The following DNAAF4 variants were observed in gnomAD, a reference collection of about 807,000 sequenced individuals.
DNAAF4 encodes dynein axonemal assembly factor 4.
A neutral mutation model predicts 51.8 loss-of-function variants in DNAAF4; 43 were observed. The ratio of observed to expected loss-of-function variants is 0.83; its 90% CI spans 0.65 to 1.07. DNAAF4 has a LOEUF of 1.07. DNAAF4 is among the 50% of genes least tolerant of loss of function. The pLI is 0.00. For missense variants in DNAAF4, 581 were observed against 493.0 expected (o/e 1.18, Z -1.69); for synonymous variants, 194 against 165.6 (o/e 1.17, Z -1.32).
chr15:55,428,988 G>A (rs1297581379), downstream of DNAAF4, among the ~76,000 whole-genome samples: 1 of 151,808 alleles, frequency 6.6e-6, no homozygotes, highest in Non-Finnish European at 1.5e-5. Context: ...TTGGGAGGCT[G>A]AGGCAGGCAG....
At chr15:55,459,524 T>C (rs907143891) in intron 5 of DNAAF4, among the ~76,000 whole-genome samples, 3 of 152,136 alleles carry the variant, frequency 2.0e-5, no homozygotes, top group South Asian at 2.1e-4. Flanking sequence ...TGAATGTAAA[T>C]GGCCTAAATG....
intron 6 of DNAAF4, among the ~76,000 whole-genome samples, chr15:55,448,174 G>A (rs1019361624): frequency 2.0e-5 from 3 of 151,968 alleles, no homozygotes; most frequent in African/African-American, 7.3e-5. Flanking sequence ...ATAATCATGC[G>A]GTTTTTATCT....
At chr15:55,491,013 T>C (rs1451301599) in intron 4 of DNAAF4, 110 bp downstream of exon 4, 4 of 1,346,426 alleles carry the variant, frequency 3.0e-6, no homozygotes, top group Non-Finnish European at 4.1e-6. Context: ...GTAAGTCCTC[T>C]AAACAAAGTA....
At chr15:55,447,846 A>G (rs527816091) in intron 6 of DNAAF4, among the ~76,000 whole-genome samples, 662 of 48,548 alleles carry the variant, frequency 0.014, 2 homozygotes, top group Non-Finnish European at 0.018. Context: ...GAGAGGGGAG[A>G]GGGCAGAGGG....
At chr15:55,435,463 T>C (rs1053034584) in intron 7 of DNAAF4, among the ~76,000 whole-genome samples, 1 of 152,182 alleles carries the variant, frequency 6.6e-6, no homozygotes, top group Admixed American at 6.6e-5. Context: ...GCCCACATTG[T>C]TGCTGACCGT....
intron 5 of DNAAF4, among the ~76,000 whole-genome samples, chr15:55,462,461 A>C (rs1042620223): frequency 6.6e-6 from 1 of 152,088 alleles, no homozygotes; most frequent in African/African-American, 2.4e-5. Flanking sequence ...AAAGGCTGGG[A>C]TTACAGGTAT....
intron 4 of DNAAF4, among the ~76,000 whole-genome samples, chr15:55,475,027 T>C (rs2058317700): frequency 6.6e-6 from 1 of 151,792 alleles, no homozygotes; most frequent in Non-Finnish European, 1.5e-5. Flanking sequence ...CATATATGTG[T>C]GTTAAATAAT....
chr15:55,418,995 C>T (rs1320733129), intron 7 of DNAAF4, among the ~76,000 whole-genome samples: 2 of 147,738 alleles, frequency 1.4e-5, no homozygotes, highest in African/African-American at 2.5e-5. Flanking sequence ...TTGCTCACTG[C>T]GACCTCCGCC....
intron 9 of DNAAF4, among the ~76,000 whole-genome samples, chr15:55,431,709 AC>A (rs1263449154): frequency 6.6e-6 from 1 of 151,598 alleles, no homozygotes; most frequent in Non-Finnish European, 1.5e-5. Flanking sequence ...TGATCTCCTG[AC>A]CTTGTGATCC....
At chr15:55,507,087 G>A (rs1396714366) in intron 1 of DNAAF4, among the ~76,000 whole-genome samples, 3 of 152,068 alleles carry the variant, frequency 2.0e-5, no homozygotes, top group Admixed American at 1.3e-4. Context: ...CTGACCTCAG[G>A]TGATCCGTTC....
At position 55,438,627 on chromosome 15, in the gene DNAAF4, C is replaced by CA. The variant is rs562793642; in HGVS notation, c.893+844dup. On this transcript the variant is annotated intron_variant, in intron 7 of 9. Transcript: ENST00000321149. Reference sequence around the variant, plus strand: ...TGAAACCCCGTCTCTACTAAAAATACAAAAAAAATTCGCCAGGTGTGGCGG... The same window carrying CA: ...TGAAACCCCGTCTCTACTAAAAATACAAAAAAAAATTCGCCAGGTGTGGCGG... 8.5e-4 allele frequency among the ~76,000 whole-genome samples: 129 copies of CA among 151,148 alleles called. 2 individuals carry two copies. In the East Asian group the frequency reaches 0.022, roughly 26 times the overall value.
At chr15:55,429,431 T>A (rs2057464549), downstream of DNAAF4, among the ~76,000 whole-genome samples, 1 of 148,580 alleles carries the variant, frequency 6.7e-6, no homozygotes, top group African/African-American at 2.5e-5. Context: ...GGCAGGAGAA[T>A]CCCTTAAACC....
chr15:55,446,295 ACGGGGGGG>A (rs2057809775), intron 6 of DNAAF4, among the ~76,000 whole-genome samples: 6 of 30,426 alleles, frequency 2.0e-4, no homozygotes, highest in Admixed American at 9.9e-4. Context: ...CACATCCCAG[ACGGGGGGG>A]GGGGGCAGCT....
downstream of DNAAF4, among the ~76,000 whole-genome samples, chr15:55,428,777 G>C (rs940248031): frequency 6.6e-6 from 1 of 151,570 alleles, no homozygotes; most frequent in African/African-American, 2.4e-5. Context: ...TTACAGGCTT[G>C]AGCCACTGCG....
At chr15:55,467,291 G>T in intron 4 of DNAAF4, 130 bp from the exon 5 acceptor site, 2 of 870,224 alleles carry the variant, frequency 2.3e-6, no homozygotes, top group Non-Finnish European at 3.5e-6. Context: ...ACAATAGGTA[G>T]TAGTGAATTA....
Position 55,432,502 on chromosome 15 carries a change from A to G in DNAAF4, c.1148T>C (p.Val383Ala), listed in dbSNP as rs374898550. The G allele has an allele frequency of 6.2e-6, 10 of 1,609,662 alleles. No homozygotes were observed. The highest frequency in any genetic ancestry group is 1.3e-5 in the African/African-American group (1 of 74,866). Residue 383 changes from valine to alanine, a missense_variant, in exon 9 of 10, where the codon GTA becomes GCA. By Grantham distance (64) the Val-to-Ala change is moderately conservative (BLOSUM62 0). Coordinates refer to ENST00000321149, the MANE Select transcript of DNAAF4 (RefSeq NM_130810.4). The stretch of plus-strand genomic sequence containing the variant: ...CATTTCTATCAATTCCTTACCTTCT[A>G]CATACAATTCTAGTTGACAGAATGC... ...GTAFCQLELYVEGLQDYEAAL... is the reference protein window; with the variant it reads ...GTAFCQLELYAEGLQDYEAAL...
intron 1 of DNAAF4, among the ~76,000 whole-genome samples, chr15:55,504,009 T>A (rs1595964677): frequency 6.6e-6 from 1 of 152,308 alleles, no homozygotes; most frequent in East Asian, 1.9e-4. Flanking sequence ...ACGACATGAT[T>A]GTCTATTTAG....
intron 6 of DNAAF4, among the ~76,000 whole-genome samples, chr15:55,449,533 G>A (rs1475067323): frequency 6.7e-6 from 1 of 149,540 alleles, no homozygotes; most frequent in South Asian, 2.1e-4. Flanking sequence ...ACATGCTGGC[G>A]CATGCCTGTA....
chr15:55,427,485 C>T (rs1414968047), downstream of DNAAF4, among the ~76,000 whole-genome samples: 5 of 151,934 alleles, frequency 3.3e-5, no homozygotes, highest in Non-Finnish European at 7.4e-5. Context: ...AAGTTAGTTC[C>T]TGGTTGGGGG....
Sources: allele counts gnomAD v4.1 joint callset (sites outside exome capture counted in the v4.1 genomes callset), GRCh38; gene constraint gnomAD v4.1.1; transcripts MANE v1.5; gene names NCBI Gene and HGNC (gene_info 2026-07-23, HGNC 2026-07-21).